Variants in HNRNPH1 observed in about 807,000 individuals in gnomAD.
The protein encoded by HNRNPH1 is heterogeneous nuclear ribonucleoprotein H1, also known as heterogeneous nuclear ribonucleoprotein H.
A neutral mutation model predicts 58.6 loss-of-function variants in HNRNPH1; 4 were observed. The ratio of observed to expected loss-of-function variants is 0.07; its 90% CI spans 0.03 to 0.16. The LOEUF is 0.16. HNRNPH1 is among the 10% of genes least tolerant of loss of function. The pLI is 1.00. For synonymous variants in HNRNPH1, 192 were observed against 189.2 expected (o/e 1.01, Z -0.12); for missense variants, 271 against 564.2 (o/e 0.48, Z 5.26).
At chr5:179,620,760 G>T (rs561441353) in intron 3 of HNRNPH1, 132 bp downstream of exon 4, 2 of 727,478 alleles carry the variant, frequency 2.7e-6, no homozygotes, top group Non-Finnish European at 4.6e-6. Flanking sequence ...AGGTCTCTAG[G>T]AAGAAAACAT....
Position 179,620,882 on chromosome 5 carries a change from G to T in HNRNPH1, c.397+10C>A. ...AAACTCACTGCTCAGCAACAAACAT[G>T]ACTACATACCTGAGAAGAACTGAAC... is the stretch of plus-strand genomic sequence containing the variant. On this transcript the variant is annotated intron_variant, in intron 3 of 12. Coordinates refer to ENST00000356731, the Ensembl canonical transcript of HNRNPH1. 1 of 1,612,992 alleles carries T rather than the reference G, an allele frequency of 6.2e-7. No individual in the cohort carries two copies. Among genetic ancestry groups the T allele is most frequent in the Non-Finnish European group, 8.5e-7 (1 of 1,179,366 alleles).
At chr5:179,615,047 T>TA in intron 12 of HNRNPH1, 88 bp from the exon 14 acceptor site, 3 of 837,324 alleles carry the variant, frequency 3.6e-6, no homozygotes, top group Non-Finnish European at 5.9e-6. Context: ...GTTTAAAAAG[T>TA]ATACGAGTAC....
chr5:179,617,378 GC>G, intron 8 of HNRNPH1, 135 bp downstream of exon 9: 3 of 1,042,190 alleles, frequency 2.9e-6, no homozygotes, highest in Non-Finnish European at 2.8e-6. Context: ...TCAACACACT[GC>G]CCCCGCATCC....
At chr5:179,623,390 A>T in exon 1 of HNRNPH1, 1 of 285,168 alleles carries the variant, frequency 3.5e-6, no homozygotes, top group Non-Finnish European at 6.9e-6. Flanking sequence ...GCCAGCGTAG[A>T]GGAAAGGAAA....
exon 1 of HNRNPH1, chr5:179,623,129 A>G: frequency 6.2e-7 from 1 of 1,604,534 alleles, no homozygotes; most frequent in African/African-American, 1.3e-5. Flanking sequence ...CGTGCCCAAC[A>G]TCATCGTCTC....
chr5:179,623,324 A>C, exon 1 of HNRNPH1: 3 of 443,758 alleles, frequency 6.8e-6, no homozygotes, highest in East Asian at 8.8e-5. Context: ...CGGACCCCCA[A>C]AGCTGTCCTG....
At chr5:179,616,414 C>CA in intron 10 of HNRNPH1, 196 bp from the exon 12 acceptor site, 1 of 595,550 alleles carries the variant, frequency 1.7e-6, no homozygotes. Flanking sequence ...ATTGATAAAC[C>CA]AAAGTGCTAA....
chr5:179,618,249 A>G (rs1367730293), exon 5 of HNRNPH1: 1 of 1,613,906 alleles, frequency 6.2e-7, no homozygotes. Context: ...TGGCCGCTGC[A>G]TGGCCATAAG....
chr5:179,631,039 C>T (rs1018791186), intron 2 of HNRNPH1, among the ~76,000 whole-genome samples: 1 of 151,564 alleles, frequency 6.6e-6, no homozygotes, highest in East Asian at 1.9e-4. Context: ...TTCATGGCAG[C>T]ATGAAATAGG....
upstream of HNRNPH1, among the ~76,000 whole-genome samples, chr5:179,626,195 C>A (rs1357360635): frequency 1.3e-5 from 2 of 151,898 alleles, no homozygotes; most frequent in East Asian, 3.9e-4. Context: ...CCTCTGCCTC[C>A]TAGGTTCAAG....
chr5:179,621,373 T>C, exon 2 of HNRNPH1: 1 of 1,613,318 alleles, frequency 6.2e-7, no homozygotes, highest in African/African-American at 1.3e-5. Flanking sequence ...ACGAATACCT[T>C]GAGCCCCATT....
At chr5:179,617,176 T>G (rs1029464332) in intron 8 of HNRNPH1, 66 bp from the exon 10 acceptor site, 1 of 1,476,528 alleles carries the variant, frequency 6.8e-7, no homozygotes, top group Non-Finnish European at 9.4e-7. Context: ...AGCACTTTTA[T>G]AAAGTTTTTA....
upstream of HNRNPH1, among the ~76,000 whole-genome samples, chr5:179,625,082 G>T (rs1463222050): frequency 1.3e-5 from 2 of 152,138 alleles, no homozygotes; most frequent in African/African-American, 4.8e-5. Context: ...TGGATGTGAG[G>T]GGGATGCAGA....
intron 3 of HNRNPH1, among the ~76,000 whole-genome samples, chr5:179,620,210 T>C (rs917396322): frequency 1.3e-5 from 2 of 152,238 alleles, no homozygotes; most frequent in African/African-American, 4.8e-5. Context: ...GCTTCCAGCG[T>C]ATCACATCAT....
At chr5:179,627,887 ACTC>A (rs1774522504), upstream of HNRNPH1, among the ~76,000 whole-genome samples, 8 of 150,232 alleles carry the variant, frequency 5.3e-5, no homozygotes, top group Non-Finnish European at 1.2e-4. Flanking sequence ...CTGCCACTGT[ACTC>A]CAGCCTGGGC....
chr5:179,629,687 CATGTT>C (rs1178521754), intron 2 of HNRNPH1, among the ~76,000 whole-genome samples: 1 of 152,176 alleles, frequency 6.6e-6, no homozygotes, highest in African/African-American at 2.4e-5. Context: ...TATGTGAAGA[CATGTT>C]ATAGCCATTA....
chr5:179,621,917 T>G, intron 1 of HNRNPH1: 1 of 456,194 alleles, frequency 2.2e-6, no homozygotes, highest in Non-Finnish European at 4.4e-6. Flanking sequence ...TGTTGCCCCC[T>G]GCAAGGCGGC....
upstream of HNRNPH1, chr5:179,629,111 C>CA (rs1370012271): frequency 6.7e-5 from 10 of 149,382 alleles, no homozygotes; most frequent in Non-Finnish European, 1.2e-4. Flanking sequence ...TCCTGGATAA[C>CA]ACAGTGAAAC....
intron 10 of HNRNPH1, 143 bp from the exon 12 acceptor site, chr5:179,616,361 A>T: frequency 1.5e-6 from 1 of 688,942 alleles, no homozygotes; most frequent in Admixed American, 2.3e-5. Context: ...CCTACTGTCT[A>T]TAACCAGGCC....
Sources: gnomAD v4.1 joint callset for allele counts (sites outside exome capture counted in the v4.1 genomes callset) on GRCh38, gnomAD v4.1.1 for gene constraint, MANE v1.5 for transcripts, NCBI Gene and HGNC (gene_info 2026-07-23, HGNC 2026-07-21) for gene names.